Variants in WDFY4 observed in about 807,000 individuals in gnomAD.
WDFY4 encodes WDFY family member 4, also known as WD repeat- and FYVE domain-containing protein 4.
WDFY4 carries 169 observed loss-of-function variants against 351.9 expected under a neutral mutation model. The ratio of observed to expected loss-of-function variants is 0.48; its 90% CI spans 0.42 to 0.55. The LOEUF (loss-of-function observed/expected upper bound fraction) is 0.55, where lower values mean the gene tolerates loss of function less well. Among genes scored for constraint, WDFY4 ranks in the 20% least tolerant of loss-of-function variants. The pLI is 0.00. For synonymous variants in WDFY4, 1,622 were observed against 1,574.6 expected, an observed-to-expected ratio of 1.03 and a Z score of -0.71; for missense variants, 3,803 against 3,935.6, an observed-to-expected ratio of 0.97 and a Z score of 0.90.
chr10:48,686,113 C>T (rs1485840284), intron 1 of WDFY4, among the ~76,000 whole-genome samples: 3 of 151,972 alleles, frequency 2.0e-5, no homozygotes, highest in African/African-American at 7.3e-5. Flanking sequence ...GTCAGGGAGG[C>T]CCTTCCTGTC....
chr10:48,776,886 G>T lies in WDFY4; in HGVS notation c.3000G>T (p.Leu1000=). ...CAACTACTGCTCTTCAGACGGCGCTGAGCCTCATCTCCATGACCTCCCCAC... is the reference window on the plus strand; with the variant it reads ...CAACTACTGCTCTTCAGACGGCGCTTAGCCTCATCTCCATGACCTCCCCAC... ...QDSTTALQTA[L]SLISMTSPRN... is the part of the protein sequence containing the mutation. Residue 1000 remains leucine (L), a synonymous_variant, in exon 16 of 62, where the codon CTG becomes CTT. Transcript: ENST00000325239. 6.4e-7 allele frequency: 1 copy of T among 1,552,056 alleles called. No individual in the cohort carries two copies.
intron 57 of WDFY4, among the ~76,000 whole-genome samples, chr10:48,970,636 TC>T (rs1208147809): frequency 6.6e-6 from 1 of 152,220 alleles, no homozygotes; most frequent in Non-Finnish European, 1.5e-5. Context: ...TTTCCTTACA[TC>T]AGATAATATT....
At chr10:48,900,421 A>G in intron 46 of WDFY4, 115 bp downstream of exon 46, 1 of 972,024 alleles carries the variant, frequency 1.0e-6, no homozygotes. Context: ...AGTGAACGCC[A>G]CTCAGGCTGG....
chr10:48,958,434 C>T (rs1365966424), intron 52 of WDFY4, among the ~76,000 whole-genome samples: 1 of 152,100 alleles, frequency 6.6e-6, no homozygotes, highest in African/African-American at 2.4e-5. Flanking sequence ...AGAGCACTGA[C>T]CAGAGTACCC....
intron 24 of WDFY4, among the ~76,000 whole-genome samples, chr10:48,800,189 C>T (rs1378290311): frequency 6.6e-6 from 1 of 152,120 alleles, no homozygotes; most frequent in Non-Finnish European, 1.5e-5. Flanking sequence ...CAGCCGGTTT[C>T]GTGTTTTAAG....
intron 4 of WDFY4, 23 bp from the exon 5 acceptor site, chr10:48,723,410 T>A (rs1440861761): frequency 3.2e-6 from 5 of 1,547,310 alleles, no homozygotes; most frequent in Non-Finnish European, 4.4e-6. Flanking sequence ...CTGCCTGGGG[T>A]CACGTGTGCT....
Position 48,814,683 on chromosome 10 carries a change from G to A in WDFY4, c.5340+601G>A, listed in dbSNP as rs556772632. Among the ~76,000 whole-genome samples the A allele has an allele frequency of 4.1e-4, 62 of 152,326 alleles. No homozygotes were observed. The South Asian group carries it at 0.012, about 30-fold the overall frequency. ...TGACTTCATCCTGTAGGCACCAAAGGCAATTGGAGGCCTGATTGTATGGGG... is the reference window on the plus strand; with the variant it reads ...TGACTTCATCCTGTAGGCACCAAAGACAATTGGAGGCCTGATTGTATGGGG... On this transcript the variant is annotated intron_variant, in intron 31 of 61. Coordinates refer to ENST00000325239, the MANE Select transcript of WDFY4 (RefSeq NM_001394531.1).
chr10:48,873,573 G>C lies in WDFY4; in HGVS notation c.6824G>C (p.Ser2275Thr). Residue 2275 changes from serine (S) to threonine (T), a missense_variant, in exon 41 of 62, where the codon AGC becomes ACC. By Grantham distance (58) the Ser-to-Thr change is moderately conservative. This residue lies in a region of WDFY4 where 3,054 missense variants were observed against 3,148.6 expected (regional missense o/e 0.97). Transcript: ENST00000325239. The part of the protein sequence containing the change: ...EQLFGELGLW[S>T]QGEETKPCSP... Reference sequence around the variant, plus strand: ...CTTTTTGGGGAGCTGGGCTTGTGGAGCCAGGGGGAAGAAACCAAGCCCTGT... The same window carrying C: ...CTTTTTGGGGAGCTGGGCTTGTGGACCCAGGGGGAAGAAACCAAGCCCTGT... 1 of 1,551,782 alleles carries C rather than the reference G, an allele frequency of 6.4e-7. No individual in the cohort carries two copies. Among genetic ancestry groups the C allele is most frequent in the Non-Finnish European group, 8.7e-7 (1 of 1,147,008 alleles).
At chr10:48,743,643 A>G (rs2064925350) in intron 12 of WDFY4, 95 bp downstream of exon 12, 14 of 1,354,904 alleles carry the variant, frequency 1.0e-5, no homozygotes, top group African/African-American at 1.5e-5. Flanking sequence ...AGGCTCAGCT[A>G]CAGAATGGGT....
intron 43 of WDFY4, among the ~76,000 whole-genome samples, chr10:48,889,648 A>T (rs1331022180): frequency 6.6e-6 from 1 of 152,128 alleles, no homozygotes; most frequent in Non-Finnish European, 1.5e-5. Context: ...TTGTTCCTTT[A>T]GGGTTTACTA....
intron 51 of WDFY4, among the ~76,000 whole-genome samples, chr10:48,947,694 C>T (rs1841119055): frequency 6.6e-6 from 1 of 152,136 alleles, no homozygotes; most frequent in Non-Finnish European, 1.5e-5. Context: ...GTTCCTTTCC[C>T]CTCTTCCCCT....
intron 37 of WDFY4, among the ~76,000 whole-genome samples, chr10:48,829,172 T>G (rs2068106969): frequency 6.6e-6 from 1 of 152,130 alleles, no homozygotes; most frequent in Non-Finnish European, 1.5e-5. Context: ...GATGCATAGG[T>G]GAAGAGAAAG....
intron 12 of WDFY4, chr10:48,745,568 A>G: frequency 2.1e-6 from 1 of 470,660 alleles, no homozygotes; most frequent in South Asian, 1.8e-5. Context: ...GCCTCTGTGT[A>G]TTTGTCAGTT....
At chr10:48,834,102 A>G (rs2068293942) in intron 39 of WDFY4, among the ~76,000 whole-genome samples, 1 of 152,234 alleles carries the variant, frequency 6.6e-6, no homozygotes. Context: ...CACATGTCTT[A>G]TTCAGGCTGT....
intron 47 of WDFY4, among the ~76,000 whole-genome samples, chr10:48,908,227 T>C (rs933577623): frequency 6.6e-6 from 1 of 152,166 alleles, no homozygotes; most frequent in Non-Finnish European, 1.5e-5. Context: ...CCACATTGCT[T>C]CCACAACCTT....
intron 20 of WDFY4, among the ~76,000 whole-genome samples, chr10:48,787,907 TTCTTCTTCTTCTTCTTCTTCTTCTTCTTC>T (rs2066507819): frequency 1.3e-4 from 5 of 37,934 alleles, no homozygotes; most frequent in Admixed American, 5.1e-4. Context: ...CTTCTTCTTC[TTCTTCTTCTTCTTCTTCTTCTTCTTCTTC>T]TTCTTCTTCT....
intron 43 of WDFY4, among the ~76,000 whole-genome samples, chr10:48,886,913 A>C (rs1271164911): frequency 6.6e-6 from 1 of 152,254 alleles, no homozygotes; most frequent in Non-Finnish European, 1.5e-5. Context: ...TGATCAATAG[A>C]ATCATGGCAT....
rs1841630272 is a variant in WDFY4, at chr10:48,957,117, C to A, written c.7978-12C>A. On this transcript the variant is annotated splice_polypyrimidine_tract_variant and intron_variant, in intron 51 of 61. Coordinates refer to ENST00000325239, the MANE Select transcript of WDFY4 (RefSeq NM_001394531.1). ...TGAGAGCGGCTGGTCATGTTGGCTCCATTTCCCCCAGGGCGGAAGCTTCGA... is the reference window on the plus strand; with the variant it reads ...TGAGAGCGGCTGGTCATGTTGGCTCAATTTCCCCCAGGGCGGAAGCTTCGA... The A allele has an allele frequency of 6.5e-7, 1 of 1,545,662 alleles. No homozygotes were observed.
At chr10:48,743,573 T>C in intron 12 of WDFY4, 25 bp downstream of exon 12, 1 of 1,516,480 alleles carries the variant, frequency 6.6e-7, no homozygotes, top group Non-Finnish European at 8.8e-7. Flanking sequence ...CAGTGTGTCA[T>C]CAGTGCATCT....
Sources: allele counts gnomAD v4.1 joint callset (sites outside exome capture counted in the v4.1 genomes callset), GRCh38; gene constraint gnomAD v4.1.1; regional missense constraint gnomAD v4.1.1; transcripts MANE v1.5; gene names NCBI Gene and HGNC (gene_info 2026-07-23, HGNC 2026-07-21).